Variants in CLEC10A observed in about 807,000 individuals in gnomAD.
CLEC10A encodes C-type lectin domain containing 10A, also known as C-type lectin domain family 10 member A.
In CLEC10A, 38 loss-of-function variants were observed where a neutral mutation model predicts 42.0. The observed-to-expected ratio is 0.90, with a 90% CI of 0.70 to 1.18. The LOEUF (loss-of-function observed/expected upper bound fraction) is 1.18. Among genes scored for constraint, CLEC10A ranks in the 50% most tolerant of loss-of-function variants. The pLI is 0.00. For synonymous variants in CLEC10A, 126 were observed against 139.9 expected, an observed-to-expected ratio of 0.90 and a Z score of 0.70; for missense variants, 298 against 345.9, an observed-to-expected ratio of 0.86 and a Z score of 1.10.
At position 7,075,737 on chromosome 17, in the gene CLEC10A, C is replaced by T. The variant is rs1911686697; in HGVS notation, c.588G>A (p.Glu196=). 1 of 1,614,102 alleles carries T rather than the reference C, an allele frequency of 6.2e-7. No individual in the cohort carries two copies. The highest frequency in any genetic ancestry group is 1.7e-5 in the Admixed American group (1 of 60,008). Residue 196 remains glutamate (E), a synonymous_variant, in exon 7 of 9, where the codon GAG becomes GAA. Transcript: ENST00000416562. The part of the protein sequence containing the change: ...NAHLVVINSR[E]EQNFVQKYLG... ...GAGTACCAGAAGCCCTCACCTGCTC[C>T]TCCCTGGAGTTGATGACCACCAGGT... is the stretch of plus-strand genomic sequence containing the variant.
Position 7,076,914 on chromosome 17 carries a change from C to G in CLEC10A, c.258G>C (p.Glu86Asp). 6.2e-7 allele frequency: 1 copy of G among 1,614,036 alleles called. No individual in the cohort carries two copies. Residue 86 changes from glutamate (E) to aspartate (D), a missense_variant, in exon 4 of 9, where the codon GAG becomes GAC. Physicochemically the swap from Glu to Asp is conservative, Grantham distance 45 (BLOSUM62 2). This residue lies in a region of CLEC10A where 267 missense variants were observed against 289.5 expected (regional missense o/e 0.92). Coordinates refer to ENST00000416562, the MANE Select transcript of CLEC10A (RefSeq NM_001330070.2). ...CACCCTGGGAAGTCAGTGCCTGGAT[C>G]TCCGCCACAGTGTTTGAGGTGAAGT... ...FSNFTSNTVA[E>D]IQALTSQGSS...
rs761503080 is a variant in CLEC10A, at chr17:7,076,033, G to C, written c.391C>G (p.Gln131Glu). Residue 131 changes from glutamine to glutamate, a missense_variant, in exon 6 of 9, where the codon CAA becomes GAA. Physicochemically the swap from Gln to Glu is conservative, Grantham distance 29. Around this residue, in one of 3 missense-constraint regions of CLEC10A, gnomAD observed 267 missense variants for 289.5 expected, o/e 0.92. Transcript: ENST00000416562. ...TGGCAGGTCAGTTTCTTCAGGTCTT[G>C]CACCAGCTGCTGGACTCGCAGGAGC... Reference protein sequence around the residue: ...EMLLRVQQLVQDLKKLTCQVA... With the variant: ...EMLLRVQQLVEDLKKLTCQVA... The C allele has an allele frequency of 6.2e-7, 1 of 1,614,190 alleles. No individual in the cohort carries two copies. The highest frequency in any genetic ancestry group is 2.2e-5 in the East Asian group (1 of 44,880).
At chr17:7,075,609 A>C (rs1245565797) in intron 7 of CLEC10A, 122 bp downstream of exon 7, 5 of 1,488,596 alleles carry the variant, frequency 3.4e-6, no homozygotes, top group Non-Finnish European at 4.7e-6. Context: ...TAAATCTCTG[A>C]GGGTGTGGCA....
At chr17:7,077,567 C>CA (rs1911883100) in intron 3 of CLEC10A, among the ~76,000 whole-genome samples, 1 of 97,456 alleles carries the variant, frequency 1.0e-5, no homozygotes, top group Non-Finnish European at 2.1e-5. Flanking sequence ...TCAGTGCCCC[C>CA]CCACCATTCC....
Position 7,075,834 on chromosome 17 carries a change from C to A in CLEC10A, c.491G>T (p.Ser164Ile). 6.2e-7 allele frequency: 1 copy of A among 1,614,138 alleles called. No individual in the cohort carries two copies. The highest frequency in any genetic ancestry group is 8.5e-7 in the Non-Finnish European group (1 of 1,179,980). ...CPVNWVEHQD[S>I]CYWFSHSGMS... is the part of the protein sequence containing the mutation. Reference sequence around the variant, plus strand: ...CCCAGAGTGAGAGAACCAGTAGCAGCTGTCTTGGTGCTCCACCCAGTTGAC... The same window carrying A: ...CCCAGAGTGAGAGAACCAGTAGCAGATGTCTTGGTGCTCCACCCAGTTGAC... Residue 164 changes from serine (S) to isoleucine (I), a missense_variant, in exon 7 of 9, where the codon AGC becomes ATC. Physicochemically the swap from Ser to Ile is moderately radical, Grantham distance 142 (BLOSUM62 -2). Coordinates refer to ENST00000416562, the MANE Select transcript of CLEC10A (RefSeq NM_001330070.2).
chr17:7,078,085 C>A lies in CLEC10A; in HGVS notation c.96G>T (p.Gln32His), dbSNP rs779299499. ...GATGGCAGGGCCCAGAGCAGAGACG[C>A]TGCAGGAGGGACTGGAGAGGAAGTG... The part of the protein sequence containing the change: ...NGPLPLQSLL[Q>H]RLCSGPCHLL... The change falls in exon 3 of 9, where the codon CAG (glutamine) becomes CAT (histidine). Residue 32 changes from glutamine to histidine, a missense_variant. Physicochemically the swap from Gln to His is conservative, Grantham distance 24. Around this residue, in one of 3 missense-constraint regions of CLEC10A, gnomAD observed 27 missense variants for 37.0 expected, o/e 0.73. Transcript: ENST00000416562. 6.2e-7 allele frequency: 1 copy of A among 1,613,698 alleles called. No individual in the cohort carries two copies.
Position 7,075,441 on chromosome 17 carries a change from G to A in CLEC10A, c.620C>T (p.Ser207Phe), listed in dbSNP as rs1377905151. 1.3e-6 allele frequency: 2 copies of A among 1,530,330 alleles called. No homozygotes were observed. Among genetic ancestry groups the A allele is most frequent in the Non-Finnish European group, 1.8e-6 (2 of 1,142,234 alleles). The allele number at this position is 1,530,330 out of a possible 1,614,324, so 94.8% of individuals were successfully genotyped here. Residue 207 changes from serine (S) to phenylalanine (F), a missense_variant, in exon 8 of 9, where the codon TCC (serine) becomes TTC (phenylalanine). By Grantham distance (155) the Ser-to-Phe change is radical. Coordinates refer to ENST00000416562, the MANE Select transcript of CLEC10A (RefSeq NM_001330070.2). The part of the protein sequence containing the change: ...EQNFVQKYLG[S>F]AYTWMGLSDP... The stretch of plus-strand genomic sequence containing the variant: ...ACTGAGGCCCATCCAGGTGTATGCG[G>A]AGCCTAGATATTTCTGGACAAAATT...
chr17:7,074,975 G>T lies in CLEC10A; in HGVS notation c.*79C>A. The stretch of plus-strand genomic sequence containing the variant: ...TCCCAGTGCTTATTTCTCTCCCAGA[G>T]CGGTCTTGCGAGGAGGTCGTGAGAA... On this transcript the variant is annotated 3_prime_UTR_variant, in exon 9 of 9. Coordinates refer to ENST00000416562, the MANE Select transcript of CLEC10A (RefSeq NM_001330070.2). The T allele has an allele frequency of 1.7e-6, 2 of 1,176,532 alleles. No individual in the cohort carries two copies. The highest frequency in any genetic ancestry group is 2.3e-6 in the Non-Finnish European group (2 of 871,094). The allele number at this position is 1,176,532 out of a possible 1,614,324, so 72.9% of individuals were successfully genotyped here.
rs530368960 is a variant in CLEC10A at position 7,074,549 on chromosome 17, A to G, written c.*505T>C. 2 of 152,488 alleles carry G rather than the reference A, an allele frequency of 1.3e-5. No homozygotes were observed. The highest frequency in any genetic ancestry group is 4.1e-4 in the South Asian group (2 of 4,832). The allele number at this position is 152,488 out of a possible 1,614,324, so 9.4% of individuals were successfully genotyped here. On this transcript the variant is annotated 3_prime_UTR_variant, in exon 9 of 9. Transcript: ENST00000416562. ...AACACAAAGTACGTAAGTTCTCACG[A>G]GAGTATATATTCACTTATATGAAGT...
rs201647706 is a variant in CLEC10A at position 7,076,044 on chromosome 17, T to C, written c.380A>G (p.Gln127Arg). Residue 127 changes from glutamine (Q) to arginine (R), a missense_variant, in exon 6 of 9, where the codon CAG becomes CGG. Physicochemically the swap from Gln to Arg is conservative, Grantham distance 43. This residue lies in a region of CLEC10A where 267 missense variants were observed against 289.5 expected (regional missense o/e 0.92). Transcript: ENST00000416562. ...TTTCTTCAGGTCTTGCACCAGCTGC[T>C]GGACTCGCAGGAGCATTTCAGAATG... ...AVHSEMLLRVQQLVQDLKKLT... is the reference protein window; with the variant it reads ...AVHSEMLLRVRQLVQDLKKLT... 1 of 1,614,208 alleles carries C rather than the reference T, an allele frequency of 6.2e-7. No homozygotes were observed. Among genetic ancestry groups the C allele is most frequent in the African/African-American group, 1.3e-5 (1 of 75,046 alleles).
Position 7,075,111 on chromosome 17 carries a change from C to G in CLEC10A, c.813G>C (p.Arg271Ser), listed in dbSNP as rs770634151. 2.5e-6 allele frequency: 4 copies of G among 1,607,566 alleles called. No homozygotes were observed. In the South Asian group the frequency reaches 3.3e-5, roughly 13 times the overall value. ...CAGCCTCGCAGACCCAGTGGTAGGGCCTCTGGCAGACGTCGTCATTCCACC... is the reference window on the plus strand; with the variant it reads ...CAGCCTCGCAGACCCAGTGGTAGGGGCTCTGGCAGACGTCGTCATTCCACC... The part of the protein sequence containing the change: ...DGRWNDDVCQ[R>S]PYHWVCEAGL... Residue 271 changes from arginine (R) to serine (S), a missense_variant, in exon 9 of 9, where the codon AGG becomes AGC. By Grantham distance (110) the Arg-to-Ser change is moderately radical (BLOSUM62 -1). Transcript: ENST00000416562.
rs1911647779 is a variant in CLEC10A at position 7,075,145 on chromosome 17, G to T, written c.779C>A (p.Pro260Gln). Residue 260 changes from proline (P) to glutamine (Q), a missense_variant, in exon 9 of 9, where the codon CCA becomes CAA. Pro to Gln is a moderately conservative substitution (Grantham distance 76). Transcript: ENST00000416562. The stretch of plus-strand genomic sequence containing the variant: ...GACGTCGTCATTCCACCTGCCGTCT[G>T]GATGGAAGTGAGCACAGTCCTCGCC... ...GGGEDCAHFH[P>Q]DGRWNDDVCQ... 1.2e-6 allele frequency: 2 copies of T among 1,608,672 alleles called. No homozygotes were observed. Among genetic ancestry groups the T allele is most frequent in the South Asian group, 2.2e-5 (2 of 90,378 alleles).
intron 2 of CLEC10A, 139 bp downstream of exon 2, chr17:7,078,607 A>T: frequency 2.6e-6 from 2 of 782,418 alleles, no homozygotes; most frequent in Non-Finnish European, 2.2e-6. Context: ...TCTTCACACT[A>T]GGCCCGTCAG....
Position 7,078,896 on chromosome 17 carries a change from G to A in CLEC10A, c.-73-11C>T, listed in dbSNP as rs946139556. On this transcript the variant is annotated splice_polypyrimidine_tract_variant and intron_variant, in intron 1 of 8. Transcript: ENST00000416562. ...CAGTCTGGGGTGGAGCTGGGGAATA[G>A]GAGGTTGGGACTAAGTTGGAGCCAA... 2 of 1,330,692 alleles carry A rather than the reference G, an allele frequency of 1.5e-6. No homozygotes were observed. The highest frequency in any genetic ancestry group is 2.9e-5 in the African/African-American group (2 of 69,270). 82.4% of individuals were successfully genotyped at this position (1,330,692 alleles called of 1,614,324 possible). A position where few individuals can be genotyped will look rare whatever the true frequency, so the allele number is the denominator to read the frequency against.
Position 7,075,343 on chromosome 17 carries a change from A to T in CLEC10A, c.701+17T>A, listed in dbSNP as rs1329969956. On this transcript the variant is annotated intron_variant, in intron 8 of 8. Transcript: ENST00000416562. ...GCTGACGGAGGACATTGGCACAGAA[A>T]GCCAGGGTGCACTCACTGGAAGCCG... 2 of 1,511,582 alleles carry T rather than the reference A, an allele frequency of 1.3e-6. No individual in the cohort carries two copies. Among genetic ancestry groups the T allele is most frequent in the Non-Finnish European group, 8.8e-7 (1 of 1,132,458 alleles). The allele number at this position is 1,511,582 out of a possible 1,614,324, so 93.6% of individuals were successfully genotyped here. A position where few individuals can be genotyped will look rare whatever the true frequency, so the allele number is the denominator to read the frequency against.
At chr17:7,076,124 C>T (rs778745840) in intron 5 of CLEC10A, 53 bp from the exon 6 acceptor site, 20 of 1,613,868 alleles carry the variant, frequency 1.2e-5, no homozygotes, top group South Asian at 6.6e-5. Flanking sequence ...GTGCCTTCTG[C>T]GTAGTGTGTT....
At position 7,076,809 on chromosome 17, in the gene CLEC10A, A is replaced by G; in HGVS notation, c.281-5T>C. 6.2e-7 allele frequency: 1 copy of G among 1,613,880 alleles called. No individual in the cohort carries two copies. The highest frequency in any genetic ancestry group is 2.2e-5 in the East Asian group (1 of 44,846). ...TCGTTTCTTCCAAGCTGCTGCCTGG[A>G]GGACACGGAGACTTGGCTTAGGGGT... On this transcript the variant is annotated splice_polypyrimidine_tract_variant and splice_region_variant and intron_variant, in intron 4 of 8. Transcript: ENST00000416562.
chr17:7,076,988 C>T lies in CLEC10A; in HGVS notation c.185-1G>A, dbSNP rs1301359832. On this transcript the variant is annotated splice_acceptor_variant, in intron 3 of 8. Transcript: ENST00000416562. LOFTEE classifies it high-confidence loss of function. The stretch of plus-strand genomic sequence containing the variant: ...ACCAGGTCCCTCTGAAATTTGGAAT[C>T]TAAACAGGTGGATGGGAAGGTCAGT... The T allele has an allele frequency of 6.2e-7, 1 of 1,607,972 alleles. No homozygotes were observed. The highest frequency in any genetic ancestry group is 8.5e-7 in the Non-Finnish European group (1 of 1,174,608).
chr17:7,076,690 T>C (rs369582113), intron 5 of CLEC10A, 43 bp downstream of exon 5: 46 of 1,603,714 alleles, frequency 2.9e-5, no homozygotes, highest in Non-Finnish European at 2.0e-5. Flanking sequence ...CCACTGTGTC[T>C]GAGCGCCTAG....
Sources: gnomAD v4.1 joint callset for allele counts (sites outside exome capture counted in the v4.1 genomes callset) on GRCh38, gnomAD v4.1.1 for gene constraint, gnomAD v4.1.1 regional missense constraint, MANE v1.5 for transcripts, NCBI Gene and HGNC (gene_info 2026-07-23, HGNC 2026-07-21) for gene names.